EPHB1: variants seen among roughly 807,000 people sequenced by gnomAD.
EPHB1 encodes the protein EPH receptor B1, also known as ephrin type-B receptor 1.
Under a neutral mutation model 94.4 loss-of-function variants are expected in EPHB1, and 30 were observed. That is an observed-to-expected ratio of 0.32 (90% confidence interval 0.24 to 0.43). The LOEUF is 0.43. EPHB1 is among the 20% of genes least tolerant of loss of function. The pLI is 1.00. For synonymous variants in EPHB1, 522 were observed against 489.1 expected (o/e 1.07, Z -0.89); for missense variants, 1,055 against 1,308.3 (o/e 0.81, Z 2.99).
At chr3:134,906,418 T>C (rs2038329895) in intron 1 of EPHB1, among the ~76,000 whole-genome samples, 1 of 152,246 alleles carries the variant, frequency 6.6e-6, no homozygotes, top group African/African-American at 2.4e-5. Context: ...TGGACGTTTA[T>C]AGGTATGCTG....
chr3:134,891,878 C>G (rs1191215884), intron 1 of EPHB1, among the ~76,000 whole-genome samples: 1 of 152,190 alleles, frequency 6.6e-6, no homozygotes, highest in African/African-American at 2.4e-5. Context: ...CTCTATAGTT[C>G]CGTCACACTA....
intron 3 of EPHB1, among the ~76,000 whole-genome samples, chr3:135,097,866 C>G (rs1264222184): frequency 1.3e-5 from 2 of 152,222 alleles, no homozygotes; most frequent in Non-Finnish European, 2.9e-5. Flanking sequence ...ATAGATGCTT[C>G]GTATTCTTGG....
chr3:135,235,037 T>G (rs910019539), intron 12 of EPHB1, among the ~76,000 whole-genome samples: 2 of 152,226 alleles, frequency 1.3e-5, no homozygotes, highest in African/African-American at 2.4e-5. Flanking sequence ...TCTAGCCCAG[T>G]GGTTCTCAGG....
chr3:135,047,796 T>C (rs943369053), intron 3 of EPHB1, among the ~76,000 whole-genome samples: 6 of 152,290 alleles, frequency 3.9e-5, no homozygotes, highest in Admixed American at 1.3e-4. Flanking sequence ...TTTGAGATAT[T>C]TGGCCATGTC....
chr3:135,158,589 C>T (rs1941423019), intron 6 of EPHB1, among the ~76,000 whole-genome samples: 1 of 152,180 alleles, frequency 6.6e-6, no homozygotes, highest in Non-Finnish European at 1.5e-5. Flanking sequence ...TTCAGTTTCA[C>T]TCTATGAATA....
chr3:135,053,027 G>GTGTGTA (rs1256844091), intron 3 of EPHB1, among the ~76,000 whole-genome samples: 2 of 110,474 alleles, frequency 1.8e-5, no homozygotes, highest in Non-Finnish European at 3.4e-5. Context: ...GTGTGTGTGT[G>GTGTGTA]TATATATATA....
chr3:135,148,563 T>C (rs1696431852), intron 5 of EPHB1, among the ~76,000 whole-genome samples: 1 of 152,200 alleles, frequency 6.6e-6, no homozygotes, highest in South Asian at 2.1e-4. Context: ...CAGTGGTCAG[T>C]GACTAGTTTG....
At chr3:135,194,131 C>T in intron 11 of EPHB1, among the ~76,000 whole-genome samples, 1 of 152,150 alleles carries the variant, frequency 6.6e-6, no homozygotes. Flanking sequence ...AGTGTCACTT[C>T]CAACGTAGTG....
chr3:135,067,877 C>T (rs1052448618), intron 3 of EPHB1: 1 of 152,234 alleles, frequency 6.6e-6, no homozygotes, highest in Non-Finnish European at 1.5e-5. Flanking sequence ...CTTCCTCTAC[C>T]CCTGTATTTC....
At chr3:134,898,774 C>T (rs921471651) in intron 1 of EPHB1, among the ~76,000 whole-genome samples, 19 of 152,194 alleles carry the variant, frequency 1.2e-4, no homozygotes, top group Non-Finnish European at 2.4e-4. Context: ...ATCCTCAGGA[C>T]ATGGATCCAG....
At chr3:135,102,462 T>C (rs956597709) in intron 3 of EPHB1, among the ~76,000 whole-genome samples, 40 of 152,226 alleles carry the variant, frequency 2.6e-4, no homozygotes, top group African/African-American at 9.4e-4. Flanking sequence ...CTATGTTAAA[T>C]TTCTAGTGAA....
intron 7 of EPHB1, among the ~76,000 whole-genome samples, chr3:135,164,256 G>A (rs148504117): frequency 2.2e-4 from 33 of 152,222 alleles, no homozygotes; most frequent in African/African-American, 6.3e-4. Context: ...ATTGACTTCC[G>A]TCTTTAAAAT....
intron 12 of EPHB1, among the ~76,000 whole-genome samples, chr3:135,215,498 T>A (rs556518821): frequency 6.6e-6 from 1 of 152,206 alleles, no homozygotes; most frequent in East Asian, 1.9e-4. Flanking sequence ...GCGAAAAGGA[T>A]CCTATAACTT....
chr3:135,197,164 G>A (rs1005366957), intron 11 of EPHB1, among the ~76,000 whole-genome samples: 1 of 151,914 alleles, frequency 6.6e-6, no homozygotes, highest in African/African-American at 2.4e-5. Context: ...GCTGTGACCA[G>A]TATCCCATGG....
At chr3:134,996,597 A>G (rs1217850487) in intron 3 of EPHB1, among the ~76,000 whole-genome samples, 1 of 152,292 alleles carries the variant, frequency 6.6e-6, no homozygotes, top group East Asian at 1.9e-4. Context: ...TAGCAATGCT[A>G]TACTGATGAG....
At chr3:135,094,546 C>G (rs1938685573) in intron 3 of EPHB1, among the ~76,000 whole-genome samples, 1 of 152,214 alleles carries the variant, frequency 6.6e-6, no homozygotes, top group Admixed American at 6.5e-5. Context: ...GCAGGCAGGG[C>G]CAAGGAATAA....
In EPHB1 at chr3:134,854,855, A is replaced by G. The variant is rs367985483; in HGVS notation, c.58+59166A>G. ...TAGAGAATTTTTGTTGCCTTTTTTCATATTGTAAAACAAATATAGATTCTC... is the reference window on the plus strand; with the variant it reads ...TAGAGAATTTTTGTTGCCTTTTTTCGTATTGTAAAACAAATATAGATTCTC... On this transcript the variant is annotated intron_variant, in intron 1 of 15. Transcript: ENST00000398015. Among the ~76,000 whole-genome samples the G allele has an allele frequency of 4.3e-4, 65 of 152,218 alleles. 1 individual carries two copies. The highest frequency in any genetic ancestry group is 9.6e-4 in the African/African-American group (40 of 41,536).
At chr3:135,255,010 G>C (rs1287820970) in intron 15 of EPHB1, among the ~76,000 whole-genome samples, 5 of 152,194 alleles carry the variant, frequency 3.3e-5, no homozygotes, top group Non-Finnish European at 7.3e-5. Flanking sequence ...GCGTAGAGGT[G>C]TTTGTAGTAT....
intron 1 of EPHB1, among the ~76,000 whole-genome samples, chr3:134,867,645 A>C (rs948462805): frequency 6.6e-6 from 1 of 152,232 alleles, no homozygotes; most frequent in African/African-American, 2.4e-5. Flanking sequence ...TTGGTGATGG[A>C]AAATGGGATG....
Sources: gnomAD v4.1 joint callset for allele counts (sites outside exome capture counted in the v4.1 genomes callset) on GRCh38, gnomAD v4.1.1 for gene constraint, MANE v1.5 for transcripts, NCBI Gene and HGNC (gene_info 2026-07-23, HGNC 2026-07-21) for gene names.